RARB: variants seen among roughly 807,000 people sequenced by gnomAD.
The protein encoded by RARB is retinoic acid receptor beta.
In RARB, 17 loss-of-function variants were observed where a neutral mutation model predicts 51.9. The ratio of observed to expected loss-of-function variants is 0.33; its 90% CI spans 0.22 to 0.49. The LOEUF is 0.49. Ranked by LOEUF, RARB falls within the 20% of genes least tolerant of loss-of-function variation. The pLI, the probability that RARB is intolerant of heterozygous loss-of-function variation, is 0.99. For missense variants in RARB, 369 were observed against 550.8 expected (o/e 0.67, Z 3.30); for synonymous variants, 215 against 195.4 (o/e 1.10, Z -0.84).
At chr3:25,104,302 G>T (rs1376952134) in intron 3 of RARB, among the ~76,000 whole-genome samples, 1 of 152,016 alleles carries the variant, frequency 6.6e-6, no homozygotes, top group Non-Finnish European at 1.5e-5. Context: ...AAACCACTTT[G>T]GAAATCTCTC....
At chr3:25,270,632 C>A (rs1415294337) in intron 5 of RARB, among the ~76,000 whole-genome samples, 1 of 152,172 alleles carries the variant, frequency 6.6e-6, no homozygotes, top group Admixed American at 6.5e-5. Flanking sequence ...GCCGTGTTAT[C>A]CCAGCCTATC....
chr3:25,074,919 T>G (rs1394982214), intron 3 of RARB, among the ~76,000 whole-genome samples: 3 of 152,230 alleles, frequency 2.0e-5, no homozygotes, highest in African/African-American at 7.2e-5. Flanking sequence ...AATGTGAACT[T>G]GATTTTCCTC....
chr3:25,553,623 C>T (rs752101039), intron 3 of RARB, among the ~76,000 whole-genome samples: 5 of 152,148 alleles, frequency 3.3e-5, no homozygotes, highest in South Asian at 4.1e-4. Flanking sequence ...TCTTACATGT[C>T]GACACTCCCT....
intron 2 of RARB, among the ~76,000 whole-genome samples, chr3:24,975,781 T>G (rs1280809730): frequency 1.3e-5 from 2 of 151,886 alleles, no homozygotes; most frequent in Non-Finnish European, 2.9e-5. Flanking sequence ...TTTTTTTTTG[T>G]TATTATACAT....
Position 25,482,521 on chromosome 3 carries a change from A to ATTTTTTTTTTTTT in RARB, c.307-18637_307-18625dup, listed in dbSNP as rs71087718. Reference sequence around the variant, plus strand: ...TAACTTTAAATTTTCTAGCAGCCAAATTTTTTTTTTTTTTTTTTTTTTTTT... The same window carrying ATTTTTTTTTTTTT: ...TAACTTTAAATTTTCTAGCAGCCAAATTTTTTTTTTTTTTTTTTTTTTTTTTTTTTTTTTTTTT... On this transcript the variant is annotated intron_variant, in intron 2 of 7. Transcript: ENST00000330688. 4.1e-4 allele frequency among the ~76,000 whole-genome samples: 27 copies of ATTTTTTTTTTTTT among 65,786 alleles called. 2 individuals carry two copies. The highest frequency in any genetic ancestry group is 1.4e-3 in the African/African-American group (20 of 14,280). The allele number at this position is 65,786 out of a possible 152,430, so 43.2% of individuals were successfully genotyped here. A position where few individuals can be genotyped will look rare whatever the true frequency, so the allele number is the denominator to read the frequency against.
chr3:25,294,363 A>C (rs1681551), intron 5 of RARB, among the ~76,000 whole-genome samples: 66,401 of 152,074 alleles, frequency 0.44, 15,942 homozygotes, highest in African/African-American at 0.63. Context: ...AAGTCCTGGT[A>C]GTGAATTCAT....
chr3:25,532,484 A>G (rs1329963489), intron 3 of RARB, among the ~76,000 whole-genome samples: 4 of 152,212 alleles, frequency 2.6e-5, no homozygotes, highest in Admixed American at 6.5e-5. Context: ...CCTATTTATG[A>G]TACTGTTTCC....
At chr3:25,574,592 G>A (rs1440572421) in intron 4 of RARB, among the ~76,000 whole-genome samples, 1 of 152,206 alleles carries the variant, frequency 6.6e-6, no homozygotes, top group Non-Finnish European at 1.5e-5. Flanking sequence ...CCACTGCTCT[G>A]CCGTGTGCGG....
intron 5 of RARB, among the ~76,000 whole-genome samples, chr3:25,262,891 A>G (rs10510561): frequency 0.1 from 15,580 of 152,250 alleles, 985 homozygotes; most frequent in South Asian, 0.25. Flanking sequence ...CTATCATTCC[A>G]CATTAGTAAA....
intron 2 of RARB, among the ~76,000 whole-genome samples, chr3:24,970,823 C>T (rs1302993796): frequency 6.6e-6 from 1 of 150,582 alleles, no homozygotes; most frequent in Non-Finnish European, 1.5e-5. Context: ...CTTACCTACT[C>T]TAAATTCCAA....
intron 2 of RARB, among the ~76,000 whole-genome samples, chr3:24,886,279 G>T (rs937094520): frequency 1.4e-4 from 22 of 152,198 alleles, no homozygotes; most frequent in African/African-American, 5.3e-4. Context: ...ACCCCTTGAT[G>T]CAGGGGCTGA....
Position 25,512,552 on chromosome 3 carries a change from C to T in RARB, c.448+11229C>T, listed in dbSNP as rs116271749. 3.5e-3 allele frequency among the ~76,000 whole-genome samples: 536 copies of T among 152,372 alleles called. 3 individuals are homozygous for T. The highest frequency in any genetic ancestry group is 0.012 in the African/African-American group (515 of 41,594). On this transcript the variant is annotated intron_variant, in intron 3 of 7. Transcript: ENST00000330688. The stretch of plus-strand genomic sequence containing the variant: ...GCCCCCAAATGTGCCACACACTAGC[C>T]ATCACTGACCACTCGGTGTCCTCTC...
At chr3:25,129,093 T>C in intron 3 of RARB, among the ~76,000 whole-genome samples, 1 of 152,068 alleles carries the variant, frequency 6.6e-6, no homozygotes, top group East Asian at 1.9e-4. Flanking sequence ...ATAAGAATTT[T>C]ATGTTTGGTA....
chr3:25,512,931 T>A (rs1027861907), intron 3 of RARB, among the ~76,000 whole-genome samples: 2 of 152,142 alleles, frequency 1.3e-5, no homozygotes, highest in African/African-American at 2.4e-5. Flanking sequence ...GTTTGGTTTT[T>A]ATTTATATCT....
At chr3:25,085,160 T>C (rs181632250) in intron 3 of RARB, among the ~76,000 whole-genome samples, 1 of 152,206 alleles carries the variant, frequency 6.6e-6, no homozygotes, top group African/African-American at 2.4e-5. Flanking sequence ...AAATACTGAA[T>C]TATTTTATCA....
At chr3:25,096,750 ACCC>A in intron 3 of RARB, among the ~76,000 whole-genome samples, 1 of 152,082 alleles carries the variant, frequency 6.6e-6, no homozygotes, top group Non-Finnish European at 1.5e-5. Flanking sequence ...CTGGGGGTGG[ACCC>A]TGCATATTCA....
At chr3:24,930,010 C>A (rs1455688920) in intron 2 of RARB, among the ~76,000 whole-genome samples, 4 of 151,888 alleles carry the variant, frequency 2.6e-5, no homozygotes, top group Non-Finnish European at 5.9e-5. Context: ...AGTTATAAGT[C>A]TGGATATTTT....
chr3:25,287,708 G>T (rs963542666), intron 5 of RARB, among the ~76,000 whole-genome samples: 10 of 152,182 alleles, frequency 6.6e-5, no homozygotes, highest in Admixed American at 5.2e-4. Context: ...CAATGGGAAA[G>T]TGGCCTAATC....
chr3:25,549,939 A>G (rs939930858), intron 3 of RARB, among the ~76,000 whole-genome samples: 5 of 152,122 alleles, frequency 3.3e-5, no homozygotes, highest in African/African-American at 7.2e-5. Context: ...TGATCTCACC[A>G]TATCTGAGAT....
Sources: gnomAD v4.1 joint callset for allele counts (sites outside exome capture counted in the v4.1 genomes callset) on GRCh38, gnomAD v4.1.1 for gene constraint, MANE v1.5 for transcripts, NCBI Gene and HGNC (gene_info 2026-07-23, HGNC 2026-07-21) for gene names.